Variants in GABBR2 observed in about 807,000 individuals in gnomAD.
The protein encoded by GABBR2 is G-protein coupled receptor 51.
In GABBR2, 23 loss-of-function variants were observed where a neutral mutation model predicts 105.6. The ratio of observed to expected loss-of-function variants is 0.22; its 90% CI spans 0.16 to 0.31. GABBR2 has a LOEUF of 0.31. Ranked by LOEUF, GABBR2 falls within the 10% of genes least tolerant of loss-of-function variation. The pLI, the probability that GABBR2 is intolerant of heterozygous loss-of-function variation, is 1.00. For synonymous variants in GABBR2, 478 were observed against 499.7 expected (o/e 0.96, Z 0.58); for missense variants, 734 against 1,245.5 (o/e 0.59, Z 6.18).
intron 12 of GABBR2, among the ~76,000 whole-genome samples, chr9:98,365,269 T>C (rs1588123789): frequency 6.6e-6 from 1 of 152,354 alleles, no homozygotes. Flanking sequence ...AGATGAGGTA[T>C]GGAAAGCATT....
intron 1 of GABBR2, among the ~76,000 whole-genome samples, chr9:98,586,091 A>C (rs1025886373): frequency 6.6e-6 from 1 of 152,122 alleles, no homozygotes; most frequent in Non-Finnish European, 1.5e-5. Context: ...GTGCTGTGAA[A>C]TATTTCACTC....
intron 13 of GABBR2, among the ~76,000 whole-genome samples, chr9:98,334,696 G>A (rs938299046): frequency 3.9e-5 from 6 of 152,192 alleles, no homozygotes; most frequent in South Asian, 2.1e-4. Flanking sequence ...AGCAATGATC[G>A]TGTTTCTTCT....
At chr9:98,422,512 GTGTGTGTGTC>G (rs1832800354) in intron 7 of GABBR2, among the ~76,000 whole-genome samples, 1 of 151,268 alleles carries the variant, frequency 6.6e-6, no homozygotes. Context: ...GTGTGTGTGT[GTGTGTGTGTC>G]TGTGTGTGTG....
chr9:98,328,299 G>T (rs1830961169), intron 13 of GABBR2, among the ~76,000 whole-genome samples: 1 of 152,098 alleles, frequency 6.6e-6, no homozygotes, highest in South Asian at 2.1e-4. Context: ...GATTGAGGAA[G>T]AATGTCAGAA....
chr9:98,512,013 A>G (rs147621875), intron 3 of GABBR2, among the ~76,000 whole-genome samples: 1,949 of 152,264 alleles, frequency 0.013, 42 homozygotes, highest in African/African-American at 0.044. Flanking sequence ...CCTCAATAAA[A>G]TACTGGCAAA....
intron 13 of GABBR2, among the ~76,000 whole-genome samples, chr9:98,331,832 C>A (rs1017279627): frequency 1.1e-4 from 16 of 152,174 alleles, no homozygotes; most frequent in Admixed American, 4.6e-4. Flanking sequence ...TACATTTTAA[C>A]CACACATGCG....
intron 1 of GABBR2, among the ~76,000 whole-genome samples, chr9:98,614,718 C>T (rs900429110): frequency 6.7e-6 from 1 of 148,594 alleles, no homozygotes; most frequent in Non-Finnish European, 1.5e-5. Context: ...TTCTAGATAG[C>T]TGTTGTTTCT....
intron 16 of GABBR2, among the ~76,000 whole-genome samples, chr9:98,301,746 T>C (rs528311052): frequency 3.0e-4 from 46 of 152,254 alleles, no homozygotes; most frequent in Non-Finnish European, 2.4e-4. Context: ...CAAGTAGAAG[T>C]GAAATGCAGT....
intron 1 of GABBR2, among the ~76,000 whole-genome samples, chr9:98,643,779 T>G (rs1829998152): frequency 6.6e-6 from 1 of 152,196 alleles, no homozygotes; most frequent in Non-Finnish European, 1.5e-5. Flanking sequence ...TGAGGATATT[T>G]GTTTACTCTG....
chr9:98,684,169 T>TTAAAAAAAAAAAAAAA (rs376323708), intron 1 of GABBR2, among the ~76,000 whole-genome samples: 4 of 66,140 alleles, frequency 6.0e-5, no homozygotes, highest in African/African-American at 6.3e-5. Flanking sequence ...TTTACCACGG[T>TTAAAAAAAAAAAAAAA]AAAAAAAAAA....
chr9:98,444,875 G>A (rs552139212), intron 7 of GABBR2, among the ~76,000 whole-genome samples: 24 of 96,564 alleles, frequency 2.5e-4, no homozygotes, highest in Middle Eastern at 6.7e-3. Context: ...ACATGCGCGC[G>A]CGCGCACACA....
Position 98,454,078 on chromosome 9 carries a change from C to G in GABBR2, c.1139G>C (p.Ser380Thr). 6.2e-7 allele frequency: 1 copy of G among 1,614,188 alleles called. No individual in the cohort carries two copies. The highest frequency in any genetic ancestry group is 8.5e-7 in the Non-Finnish European group (1 of 1,180,014). ...GAAGTCCTGGATCCGCTGGTGCCGG[C>G]TGCTGGCATGCAGTGTCTCCATGGC... Reference protein sequence around the residue: ...QRAMETLHASSRHQRIQDFNY... With the variant: ...QRAMETLHASTRHQRIQDFNY... Residue 380 changes from serine (S) to threonine (T), a missense_variant, in exon 7 of 19, where the codon AGC becomes ACC. Coordinates refer to ENST00000259455, the MANE Select transcript of GABBR2 (RefSeq NM_005458.8). The surrounding 1 kb of genome is among the most constrained non-coding windows in gnomAD (Gnocchi z 4.6).
intron 13 of GABBR2, among the ~76,000 whole-genome samples, chr9:98,317,339 A>C (rs867034675): frequency 1.3e-5 from 2 of 152,154 alleles, no homozygotes; most frequent in African/African-American, 4.8e-5. Context: ...AAAGGAGAGC[A>C]GCTGGCCCGA....
At chr9:98,402,188 G>A (rs1832406082) in intron 8 of GABBR2, among the ~76,000 whole-genome samples, 1 of 152,070 alleles carries the variant, frequency 6.6e-6, no homozygotes, top group African/African-American at 2.4e-5. Context: ...AGGCAGGGTC[G>A]GTGAGTTGGA....
At chr9:98,542,308 C>T (rs572948766) in intron 2 of GABBR2, among the ~76,000 whole-genome samples, 2 of 152,290 alleles carry the variant, frequency 1.3e-5, no homozygotes, top group South Asian at 2.1e-4. Flanking sequence ...ATCGTCTATT[C>T]CTTCCCAGTC....
At chr9:98,588,967 G>A (rs940547288) in intron 1 of GABBR2, among the ~76,000 whole-genome samples, 2 of 152,174 alleles carry the variant, frequency 1.3e-5, no homozygotes, top group East Asian at 1.9e-4. Context: ...ACTATGTCAC[G>A]AGAGAAACCA....
intron 1 of GABBR2, chr9:98,707,342 G>A (rs1308626100): frequency 1.3e-5 from 2 of 152,342 alleles, no homozygotes; most frequent in Non-Finnish European, 2.9e-5. Context: ...CCAACCGAGC[G>A]TACTGCACAG....
chr9:98,306,325 A>G lies in GABBR2; in HGVS notation c.2025T>C (p.Ala675=). 6.2e-7 allele frequency: 1 copy of G among 1,613,706 alleles called. No individual in the cohort carries two copies. Among genetic ancestry groups the G allele is most frequent in the Non-Finnish European group, 8.5e-7 (1 of 1,179,664 alleles). The change falls in exon 15 of 19, where the codon GCT becomes GCC. Residue 675 remains alanine, a synonymous_variant. Coordinates refer to ENST00000259455, the MANE Select transcript of GABBR2 (RefSeq NM_005458.8). The surrounding 1 kb of genome is among the most constrained non-coding windows in gnomAD (Gnocchi z 5.4). ...GGATGCTGACGTTGCGGGTCTCCCA[A>G]GCTAAGAAACAACCGAACAACTGAA... is the stretch of plus-strand genomic sequence containing the variant. ...GLLMLFGCFL[A]WETRNVSIPA... is the part of the protein sequence containing the mutation.
chr9:98,579,711 T>C (rs571632799), intron 1 of GABBR2, among the ~76,000 whole-genome samples: 8 of 152,270 alleles, frequency 5.3e-5, no homozygotes, highest in Admixed American at 2.6e-4. Context: ...GCAAAGTGGA[T>C]TCAAAAGAGA....
Sources: gnomAD v4.1 joint callset for allele counts (sites outside exome capture counted in the v4.1 genomes callset) on GRCh38, gnomAD v4.1.1 for gene constraint, Gnocchi (gnomAD v3.1) non-coding constraint, MANE v1.5 for transcripts, NCBI Gene and HGNC (gene_info 2026-07-23, HGNC 2026-07-21) for gene names.